PACS1: variants seen among roughly 807,000 people sequenced by gnomAD.
The protein encoded by PACS1 is PACS-1.
In PACS1, 24 loss-of-function variants were observed where a neutral mutation model predicts 115.0. The observed-to-expected ratio is 0.21, with a 90% CI of 0.15 to 0.29. The LOEUF (loss-of-function observed/expected upper bound fraction) is 0.29, where lower values mean the gene tolerates loss of function less well. PACS1 is among the 10% of genes least tolerant of loss of function. The probability of loss-of-function intolerance (pLI) is 1.00; values close to 1 mark genes in which losing one functional copy is unlikely to be tolerated. For synonymous variants in PACS1, 453 were observed against 504.5 expected (o/e 0.90, Z 1.37); for missense variants, 838 against 1,251.2 (o/e 0.67, Z 4.98).
At chr11:66,099,438 A>G (rs1217533829) in intron 1 of PACS1, among the ~76,000 whole-genome samples, 1 of 151,648 alleles carries the variant, frequency 6.6e-6, no homozygotes, top group Non-Finnish European at 1.5e-5. Context: ...GTTAGCCAGG[A>G]TGTTCTCAAT....
chr11:66,173,560 A>T (rs1859787472), intron 1 of PACS1, among the ~76,000 whole-genome samples: 1 of 151,728 alleles, frequency 6.6e-6, no homozygotes, highest in Admixed American at 6.6e-5. Flanking sequence ...AATACAAAAA[A>T]TTAGCTGGGC....
At chr11:66,190,546 C>T (rs193218295) in intron 1 of PACS1, among the ~76,000 whole-genome samples, 7 of 152,294 alleles carry the variant, frequency 4.6e-5, no homozygotes, top group Non-Finnish European at 8.8e-5. Context: ...CTGCCTCAGC[C>T]TCCCACATTT....
intron 8 of PACS1, among the ~76,000 whole-genome samples, chr11:66,220,088 G>A (rs1461315851): frequency 2.6e-5 from 4 of 152,118 alleles, no homozygotes; most frequent in Admixed American, 6.5e-5. Flanking sequence ...CAGACCCAGC[G>A]GATGCTGCTG....
At chr11:66,187,878 C>G (rs531670200) in intron 1 of PACS1, among the ~76,000 whole-genome samples, 1 of 152,150 alleles carries the variant, frequency 6.6e-6, no homozygotes, top group African/African-American at 2.4e-5. Flanking sequence ...TTTGAAGGAA[C>G]CTCCATGCTG....
chr11:66,242,192 G>A (rs1855829607), intron 22 of PACS1, among the ~76,000 whole-genome samples: 2 of 152,222 alleles, frequency 1.3e-5, no homozygotes, highest in South Asian at 4.1e-4. Flanking sequence ...AGTGAGGCAG[G>A]AACCCCCATG....
intron 1 of PACS1, among the ~76,000 whole-genome samples, chr11:66,134,686 A>T (rs533136113): frequency 1.3e-5 from 2 of 151,688 alleles, no homozygotes; most frequent in East Asian, 3.9e-4. Flanking sequence ...GGCTCCCTGT[A>T]CCCTGGCGCC....
intron 19 of PACS1, chr11:66,237,992 C>G (rs1194255997): frequency 1.1e-6 from 1 of 909,160 alleles, no homozygotes; most frequent in Non-Finnish European, 1.3e-6. Context: ...CCCAGCCCAG[C>G]TGCCTCTTTG....
At chr11:66,221,415 A>T (rs537154180) in intron 10 of PACS1, 168 bp downstream of exon 10, 1 of 627,770 alleles carries the variant, frequency 1.6e-6, no homozygotes, top group African/African-American at 1.8e-5. Flanking sequence ...TGGGAGGTGG[A>T]GTCGGGCAGA....
At chr11:66,090,965 G>A (rs891823179) in intron 1 of PACS1, among the ~76,000 whole-genome samples, 1 of 152,110 alleles carries the variant, frequency 6.6e-6, no homozygotes, top group South Asian at 2.1e-4. Flanking sequence ...TATGGAATAT[G>A]CCTAATACTA....
intron 1 of PACS1, among the ~76,000 whole-genome samples, chr11:66,133,129 A>G (rs1262537496): frequency 6.6e-6 from 1 of 152,138 alleles, no homozygotes; most frequent in Non-Finnish European, 1.5e-5. Context: ...CAAGTTCTAT[A>G]CATTCTGACT....
At chr11:66,131,889 C>A (rs1339621396) in intron 1 of PACS1, among the ~76,000 whole-genome samples, 1 of 152,058 alleles carries the variant, frequency 6.6e-6, no homozygotes, top group Non-Finnish European at 1.5e-5. Context: ...TACCTGATAG[C>A]CCCACCTAAA....
At chr11:66,080,066 G>C (rs1857457220) in intron 1 of PACS1, among the ~76,000 whole-genome samples, 1 of 152,144 alleles carries the variant, frequency 6.6e-6, no homozygotes, top group Non-Finnish European at 1.5e-5. Context: ...ACACCTACTC[G>C]CCATTACTGG....
intron 1 of PACS1, among the ~76,000 whole-genome samples, chr11:66,082,160 T>A (rs1482582614): frequency 6.6e-6 from 1 of 152,218 alleles, no homozygotes; most frequent in East Asian, 1.9e-4. Context: ...ATGGTAAACA[T>A]CAGGGCTTAA....
chr11:66,177,561 C>T (rs1024323811), intron 1 of PACS1, among the ~76,000 whole-genome samples: 1 of 152,112 alleles, frequency 6.6e-6, no homozygotes, highest in African/African-American at 2.4e-5. Flanking sequence ...TTTGCTGCAC[C>T]TACTCTATCC....
intron 7 of PACS1, among the ~76,000 whole-genome samples, chr11:66,219,008 C>T (rs1464716704): frequency 6.6e-6 from 1 of 152,052 alleles, no homozygotes; most frequent in Non-Finnish European, 1.5e-5. Context: ...CACGTACAGG[C>T]CTGACTGCTG....
At chr11:66,117,596 C>T (rs1189315820) in intron 1 of PACS1, among the ~76,000 whole-genome samples, 1 of 152,130 alleles carries the variant, frequency 6.6e-6, no homozygotes, top group East Asian at 1.9e-4. Flanking sequence ...CCTGTAATCC[C>T]AGCACTTTGG....
intron 19 of PACS1, chr11:66,238,161 A>G: frequency 1.0e-6 from 1 of 985,340 alleles, no homozygotes; most frequent in Non-Finnish European, 1.2e-6. Context: ...AAATTCCTAA[A>G]GAACCCCCCC....
chr11:66,238,586 C>T (rs906405366), intron 19 of PACS1: 3 of 513,032 alleles, frequency 5.8e-6, no homozygotes, highest in East Asian at 3.8e-5. Context: ...CTGAAACCTC[C>T]GCCTCTCAGG....
chr11:66,097,642 C>T (rs1857815712), intron 1 of PACS1, among the ~76,000 whole-genome samples: 1 of 152,188 alleles, frequency 6.6e-6, no homozygotes. Context: ...GTTTAAGCTG[C>T]TGCTAAGCTT....
Sources: gnomAD v4.1 joint callset for allele counts (sites outside exome capture counted in the v4.1 genomes callset) on GRCh38, gnomAD v4.1.1 for gene constraint, MANE v1.5 for transcripts, NCBI Gene and HGNC (gene_info 2026-07-23, HGNC 2026-07-21) for gene names.